SYT1: variants seen among roughly 807,000 people sequenced by gnomAD.
SYT1 encodes the protein synaptotagmin-1.
SYT1 carries 8 observed loss-of-function variants against 44.8 expected under a neutral mutation model. The observed-to-expected ratio is 0.18, with a 90% CI of 0.10 to 0.32. The LOEUF (loss-of-function observed/expected upper bound fraction) is 0.32, where lower values mean the gene tolerates loss of function less well. Ranked by LOEUF, SYT1 falls within the 10% of genes least tolerant of loss-of-function variation. The probability of loss-of-function intolerance (pLI) is 1.00; values close to 1 mark genes in which losing one functional copy is unlikely to be tolerated. For synonymous variants in SYT1, 154 were observed against 188.8 expected (o/e 0.82, Z 1.51); for missense variants, 286 against 509.3 (o/e 0.56, Z 4.22).
At chr12:79,344,863 T>A (rs1027400024) in intron 8 of SYT1, among the ~76,000 whole-genome samples, 1 of 152,192 alleles carries the variant, frequency 6.6e-6, no homozygotes, top group African/African-American at 2.4e-5. Flanking sequence ...GGACCACAAG[T>A]GTATCAGTTA....
chr12:79,349,048 AGAAAGAAAGGAG>A (rs1159326615), intron 8 of SYT1, among the ~76,000 whole-genome samples: 78 of 141,006 alleles, frequency 5.5e-4, no homozygotes, highest in African/African-American at 1.8e-3. Flanking sequence ...AAAGAAAGAA[AGAAAGAAAGGAG>A]GGAGGGAGGG....
intron 4 of SYT1, among the ~76,000 whole-genome samples, chr12:79,224,171 GT>G (rs1247618203): frequency 5.9e-5 from 9 of 152,230 alleles, no homozygotes; most frequent in African/African-American, 2.2e-4. Flanking sequence ...CCTCAGTCCA[GT>G]TGCATATAAT....
At chr12:79,196,756 G>C (rs775986037) in intron 3 of SYT1, among the ~76,000 whole-genome samples, 2 of 152,180 alleles carry the variant, frequency 1.3e-5, no homozygotes, top group Non-Finnish European at 2.9e-5. Flanking sequence ...CACAACAGGA[G>C]GTAAGAGAGT....
intron 6 of SYT1, among the ~76,000 whole-genome samples, chr12:79,292,999 T>C (rs1351406519): frequency 6.6e-6 from 1 of 151,984 alleles, no homozygotes; most frequent in Non-Finnish European, 1.5e-5. Context: ...CAGGCTAAGT[T>C]AGAGACCAGG....
chr12:79,035,760 T>C (rs1001740792), intron 2 of SYT1, among the ~76,000 whole-genome samples: 2 of 151,640 alleles, frequency 1.3e-5, no homozygotes, highest in Non-Finnish European at 3.0e-5. Context: ...TGACCCCTGC[T>C]CACCCCTGCA....
chr12:79,179,128 A>C (rs375064684), intron 3 of SYT1, among the ~76,000 whole-genome samples: 11 of 113,514 alleles, frequency 9.7e-5, no homozygotes, highest in East Asian at 8.6e-4. Context: ...ATAGATATAG[A>C]TATATAGATA....
intron 1 of SYT1, among the ~76,000 whole-genome samples, chr12:78,973,924 AAAAAAAAAAAAAAAATATATAT>A (rs1868566311): frequency 3.7e-5 from 1 of 26,680 alleles, no homozygotes; most frequent in African/African-American, 1.8e-4. Flanking sequence ...ACCAAAAAAA[AAAAAAAAAAAAAAAATATATAT>A]ATATATATAT....
chr12:79,102,883 A>G (rs1878520149), intron 3 of SYT1: 1 of 151,496 alleles, frequency 6.6e-6, no homozygotes, highest in Non-Finnish European at 1.5e-5. Context: ...AAATGGACCC[A>G]ACTTTTTTCT....
At chr12:79,105,660 C>G (rs1878674132) in intron 3 of SYT1, among the ~76,000 whole-genome samples, 1 of 152,130 alleles carries the variant, frequency 6.6e-6, no homozygotes, top group African/African-American at 2.4e-5. Flanking sequence ...GCAGACAGAT[C>G]AGGAGGTCAG....
At chr12:79,283,934 C>T (rs2138821554) in intron 4 of SYT1, among the ~76,000 whole-genome samples, 1 of 151,586 alleles carries the variant, frequency 6.6e-6, no homozygotes, top group Admixed American at 6.6e-5. Context: ...CACAATGATA[C>T]TAAATGCAGA....
At chr12:78,895,013 C>A (rs1408196791) in intron 1 of SYT1, among the ~76,000 whole-genome samples, 1 of 151,164 alleles carries the variant, frequency 6.6e-6, no homozygotes, top group African/African-American at 2.4e-5. Flanking sequence ...ACATATTATA[C>A]AATATAAACA....
At chr12:79,296,343 T>G (rs1592940217) in intron 7 of SYT1, 107 bp downstream of exon 7, 1 of 1,156,766 alleles carries the variant, frequency 8.6e-7, no homozygotes, top group East Asian at 2.5e-5. Flanking sequence ...GTTCAGGCAC[T>G]CACAATAATT....
In SYT1 at chr12:79,285,929, C is replaced by T; in HGVS notation, c.309C>T (p.Asn103=). 3 of 1,613,100 alleles carry T rather than the reference C, an allele frequency of 1.9e-6. No homozygotes were observed. Among genetic ancestry groups the T allele is most frequent in the Non-Finnish European group, 2.5e-6 (3 of 1,179,724 alleles). ...AAAAAGGAGGGAAGAATGCCATTAA[C>T]ATGAAAGATGTAAAAGACTTAGGGA... is the stretch of plus-strand genomic sequence containing the variant. ...GKEKGGKNAI[N]MKDVKDLGKT... Residue 103 remains asparagine (N), a synonymous_variant, in exon 5 of 11, where the codon AAC becomes AAT. Coordinates refer to ENST00000261205, the MANE Select transcript of SYT1 (RefSeq NM_005639.3).
chr12:78,972,574 A>G (rs1417470681), intron 1 of SYT1, among the ~76,000 whole-genome samples: 1 of 151,566 alleles, frequency 6.6e-6, no homozygotes, highest in Non-Finnish European at 1.5e-5. Context: ...ACATTTCTCT[A>G]AATTATTTAA....
chr12:79,307,286 T>C (rs1449900166), intron 8 of SYT1, among the ~76,000 whole-genome samples: 2 of 152,216 alleles, frequency 1.3e-5, no homozygotes, highest in African/African-American at 4.8e-5. Context: ...AGAGGAAGCA[T>C]ACACAGACAC....
chr12:78,895,823 T>C (rs767669086), intron 1 of SYT1, among the ~76,000 whole-genome samples: 9 of 151,810 alleles, frequency 5.9e-5, no homozygotes, highest in Non-Finnish European at 1.0e-4. Context: ...CTGTAACTCA[T>C]TGGAGTTTCA....
At chr12:78,871,894 C>A (rs1873840149) in intron 1 of SYT1, among the ~76,000 whole-genome samples, 1 of 151,758 alleles carries the variant, frequency 6.6e-6, no homozygotes, top group African/African-American at 2.4e-5. Flanking sequence ...TAACATCACT[C>A]TTCTATTTTA....
chr12:79,179,155 GAT>G (rs1491105115), intron 3 of SYT1, among the ~76,000 whole-genome samples: 8 of 76,440 alleles, frequency 1.0e-4, no homozygotes, highest in South Asian at 5.3e-4. Flanking sequence ...TAGATATATA[GAT>G]ATATAGATAT....
At chr12:79,178,807 C>T (rs1027812387) in intron 3 of SYT1, among the ~76,000 whole-genome samples, 10 of 149,724 alleles carry the variant, frequency 6.7e-5, no homozygotes, top group African/African-American at 1.2e-4. Flanking sequence ...GATGGAATTT[C>T]GCTCTTATAG....
Sources: allele counts gnomAD v4.1 joint callset (sites outside exome capture counted in the v4.1 genomes callset), GRCh38; gene constraint gnomAD v4.1.1; transcripts MANE v1.5; gene names NCBI Gene and HGNC (gene_info 2026-07-23, HGNC 2026-07-21).